The following RORA variants were observed in gnomAD, a reference collection of about 807,000 sequenced individuals.
RORA encodes the protein RAR related orphan receptor A, also known as nuclear receptor ROR-alpha.
RORA carries 7 observed loss-of-function variants against 69.5 expected under a neutral mutation model. The observed-to-expected ratio is 0.10, with a 90% CI of 0.06 to 0.19. The LOEUF is 0.19. Among genes scored for constraint, RORA ranks in the 10% least tolerant of loss-of-function variants. The pLI is 1.00. For synonymous variants in RORA, 261 were observed against 240.8 expected (o/e 1.08, Z -0.78); for missense variants, 457 against 663.0 (o/e 0.69, Z 3.41).
At chr15:60,665,164 C>A (rs889984844) in intron 2 of RORA, among the ~76,000 whole-genome samples, 1 of 152,206 alleles carries the variant, frequency 6.6e-6, no homozygotes, top group African/African-American at 2.4e-5. Flanking sequence ...CTGGGATTAT[C>A]AGGACATCTA....
At chr15:60,627,769 G>T (rs1292170380) in intron 2 of RORA, among the ~76,000 whole-genome samples, 1 of 152,040 alleles carries the variant, frequency 6.6e-6, no homozygotes, top group African/African-American at 2.4e-5. Context: ...TCAAAACCCA[G>T]CTCCAGGCAT....
At chr15:60,911,728 C>T (rs1296556250) in intron 1 of RORA, among the ~76,000 whole-genome samples, 18 of 137,432 alleles carry the variant, frequency 1.3e-4, no homozygotes, top group Admixed American at 2.2e-4. Flanking sequence ...TTGAAACAGT[C>T]TCGCACTGTC....
At chr15:60,622,957 C>A (rs977466529) in intron 2 of RORA, among the ~76,000 whole-genome samples, 4 of 152,140 alleles carry the variant, frequency 2.6e-5, no homozygotes, top group African/African-American at 4.8e-5. Context: ...CTCAGGTGAT[C>A]CACCCGCCTC....
chr15:61,220,913 G>A (rs1476446023), intron 1 of RORA, among the ~76,000 whole-genome samples: 1 of 152,142 alleles, frequency 6.6e-6, no homozygotes, highest in Admixed American at 6.5e-5. Flanking sequence ...GAGGCTCCCT[G>A]CCTTCATCCA....
chr15:60,510,260 G>C (rs1416034140), intron 5 of RORA: 1 of 152,188 alleles, frequency 6.6e-6, no homozygotes, highest in East Asian at 1.9e-4. Context: ...AGGAGGAGCA[G>C]ATCAAATTTA....
chr15:60,778,691 C>A (rs1461211338), intron 1 of RORA, among the ~76,000 whole-genome samples: 1 of 152,180 alleles, frequency 6.6e-6, no homozygotes, highest in Non-Finnish European at 1.5e-5. Flanking sequence ...TTCTCCCACC[C>A]TTACCCCTTC....
At chr15:60,735,866 G>T (rs2071490281) in intron 1 of RORA, among the ~76,000 whole-genome samples, 1 of 152,192 alleles carries the variant, frequency 6.6e-6, no homozygotes, top group Non-Finnish European at 1.5e-5. Context: ...AGTGTCACCA[G>T]CAGGAAGGTC....
At chr15:60,650,144 C>T (rs1191196658) in intron 2 of RORA, among the ~76,000 whole-genome samples, 7 of 151,558 alleles carry the variant, frequency 4.6e-5, no homozygotes, top group Non-Finnish European at 7.4e-5. Flanking sequence ...ATGTGAACAT[C>T]GTTACTGAGA....
At chr15:60,989,753 C>T (rs774007332) in intron 1 of RORA, among the ~76,000 whole-genome samples, 1 of 152,010 alleles carries the variant, frequency 6.6e-6, no homozygotes, top group South Asian at 2.1e-4. Flanking sequence ...GGTCCATCCA[C>T]TATACTTAGA....
chr15:60,733,135 T>C (rs941524483), intron 1 of RORA, among the ~76,000 whole-genome samples: 39 of 152,208 alleles, frequency 2.6e-4, no homozygotes, highest in African/African-American at 8.4e-4. Flanking sequence ...ATGCTTCTTA[T>C]GAGTTCCCTA....
intron 1 of RORA, among the ~76,000 whole-genome samples, chr15:60,982,955 G>C (rs576072322): frequency 4.3e-4 from 66 of 152,244 alleles, no homozygotes; most frequent in Non-Finnish European, 9.1e-4. Context: ...GGCACCTCCT[G>C]CTTCTCCTGG....
intron 1 of RORA, among the ~76,000 whole-genome samples, chr15:61,031,753 G>A (rs938229572): frequency 3.9e-5 from 6 of 152,176 alleles, no homozygotes; most frequent in East Asian, 3.8e-4. Context: ...AGAGAAAGAC[G>A]TGGAAGGATA....
chr15:60,734,114 T>A (rs1037685879), intron 1 of RORA, among the ~76,000 whole-genome samples: 1 of 152,150 alleles, frequency 6.6e-6, no homozygotes, highest in Non-Finnish European at 1.5e-5. Flanking sequence ...AAGATGAACA[T>A]CTCTCTGTGC....
chr15:60,860,522 G>A (rs1372748570), intron 1 of RORA, among the ~76,000 whole-genome samples: 1 of 152,088 alleles, frequency 6.6e-6, no homozygotes, highest in African/African-American at 2.4e-5. Context: ...CTGAATTCTT[G>A]GCTAGACTAT....
intron 1 of RORA, among the ~76,000 whole-genome samples, chr15:60,753,059 C>T (rs79950559): frequency 4.6e-5 from 7 of 152,116 alleles, no homozygotes; most frequent in African/African-American, 1.7e-4. Flanking sequence ...AAAGCAGAGG[C>T]AAATATTATT....
chr15:61,055,132 C>T (rs757219853), intron 1 of RORA, among the ~76,000 whole-genome samples: 5 of 152,152 alleles, frequency 3.3e-5, no homozygotes, highest in Non-Finnish European at 7.3e-5. Context: ...CCACCGTGCC[C>T]GGCCTAAAAC....
At chr15:60,972,523 G>A (rs1341819343) in intron 1 of RORA, among the ~76,000 whole-genome samples, 1 of 152,134 alleles carries the variant, frequency 6.6e-6, no homozygotes, top group Non-Finnish European at 1.5e-5. Context: ...GTATGGCTGA[G>A]TGTTCGTTAT....
intron 2 of RORA, among the ~76,000 whole-genome samples, chr15:60,658,731 T>A (rs2070259495): frequency 1.3e-5 from 2 of 152,250 alleles, no homozygotes; most frequent in South Asian, 4.1e-4. Flanking sequence ...GAAGATAACA[T>A]GTTACAGGTA....
At chr15:60,817,846 GT>G (rs1282832789) in intron 1 of RORA, among the ~76,000 whole-genome samples, 1 of 152,218 alleles carries the variant, frequency 6.6e-6, no homozygotes, top group Admixed American at 6.5e-5. Context: ...CATGAAGTAT[GT>G]CAGTCTTGGG....
Sources: gnomAD v4.1 joint callset for allele counts (sites outside exome capture counted in the v4.1 genomes callset) on GRCh38, gnomAD v4.1.1 for gene constraint, MANE v1.5 for transcripts, NCBI Gene and HGNC (gene_info 2026-07-23, HGNC 2026-07-21) for gene names.